MYOM2: variants seen among roughly 807,000 people sequenced by gnomAD.
MYOM2 encodes the protein myomesin 2.
MYOM2 carries 254 observed loss-of-function variants against 187.6 expected under a neutral mutation model. That is an observed-to-expected ratio of 1.35 (90% CI 1.22 to 1.50). MYOM2 has a LOEUF of 1.50. Ranked by LOEUF, MYOM2 falls within the 40% of genes most tolerant of loss-of-function variation. The probability of loss-of-function intolerance (pLI) is 0.00; values close to 1 mark genes in which losing one functional copy is unlikely to be tolerated. For missense variants in MYOM2, 2,796 were observed against 1,924.0 expected, an observed-to-expected ratio of 1.45 and a Z score of -8.48; for synonymous variants, 981 against 753.8, an observed-to-expected ratio of 1.30 and a Z score of -4.94.
At position 2,079,554 on chromosome 8, in the gene MYOM2, C is replaced by T; in HGVS notation, c.1463-6C>T. 6.2e-7 allele frequency: 1 copy of T among 1,614,074 alleles called. No homozygotes were observed. ...TCAAATCGAGTGTCAACCTTTCTCT[C>T]CGCAGCCGTTCATTTGGAGGGAGAG... On this transcript the variant is annotated splice_polypyrimidine_tract_variant and splice_region_variant and intron_variant, in intron 12 of 36. Transcript: ENST00000262113.
rs17684416 is a variant in MYOM2, at chr8:2,106,276, A to G, written c.2769A>G (p.Gln923=). ...TKEISAGVDE[Q]GNIYLGFDCQ... ...AAATCAGTGCTGGTGTCGATGAACA[A>G]GGCAACATCTATCTGGGCTTCGACT... Residue 923 remains glutamine, a synonymous_variant, in exon 22 of 37, where the codon CAA becomes CAG. Coordinates refer to ENST00000262113, the MANE Select transcript of MYOM2 (RefSeq NM_003970.4). 271,047 of 1,613,978 alleles carry G rather than the reference A, an allele frequency of 0.17. 23,657 individuals are homozygous for G. The highest frequency in any genetic ancestry group is 0.26 in the East Asian group (11,759 of 44,864).
At chr8:2,129,821 A>G (rs926998272) in intron 32 of MYOM2, among the ~76,000 whole-genome samples, 1 of 152,126 alleles carries the variant, frequency 6.6e-6, no homozygotes, top group African/African-American at 2.4e-5. Context: ...TTCCCAGGCA[A>G]AGCACAAGCC....
chr8:2,123,184 T>G, intron 28 of MYOM2, 68 bp from the exon 29 acceptor site: 1 of 1,077,330 alleles, frequency 9.3e-7, no homozygotes, highest in Non-Finnish European at 1.4e-6. Context: ...TTTAAGATTC[T>G]AATAGACTTT....
At chr8:2,051,883 A>C (rs1016401161) in intron 2 of MYOM2, among the ~76,000 whole-genome samples, 1 of 152,166 alleles carries the variant, frequency 6.6e-6, no homozygotes, top group African/African-American at 2.4e-5. Context: ...ATGCATGTGC[A>C]TGTGCTTGTG....
At chr8:2,118,053 G>A (rs1797307160) in intron 28 of MYOM2, 101 bp downstream of exon 28, 2 of 1,030,578 alleles carry the variant, frequency 1.9e-6, no homozygotes, top group Admixed American at 2.2e-5. Context: ...TGATGCTGGT[G>A]AGGAAACGTG....
intron 25 of MYOM2, 85 bp downstream of exon 25, chr8:2,109,616 T>A: frequency 7.1e-7 from 1 of 1,402,146 alleles, no homozygotes; most frequent in Non-Finnish European, 9.7e-7. Context: ...CAACATTCTC[T>A]GTCTGTTTCC....
chr8:2,068,273 C>G (rs1819086585), intron 6 of MYOM2, among the ~76,000 whole-genome samples: 1 of 150,426 alleles, frequency 6.6e-6, no homozygotes, highest in Admixed American at 6.6e-5. Context: ...CCTGTGTGCA[C>G]CAGGCAGAGA....
intron 31 of MYOM2, among the ~76,000 whole-genome samples, chr8:2,125,917 A>G (rs1797619921): frequency 6.6e-6 from 1 of 151,984 alleles, no homozygotes; most frequent in African/African-American, 2.4e-5. Flanking sequence ...TGCCTGGACA[A>G]GGATTATTTT....
chr8:2,083,125 C>T (rs1045892360), intron 13 of MYOM2, among the ~76,000 whole-genome samples: 3 of 152,124 alleles, frequency 2.0e-5, no homozygotes, highest in Non-Finnish European at 4.4e-5. Flanking sequence ...TTAAAACAAT[C>T]ATATATATTA....
At position 2,072,432 on chromosome 8, in the gene MYOM2, C is replaced by T. The variant is rs1316996365; in HGVS notation, c.881C>T (p.Thr294Met). ...GTCACCTTCAGGAGGGAAGGCGAGA[C>T]GGTCACTCTCAAGTGCACCATGCTG... ...FGVTFRREGE[T>M]VTLKCTMLVT... The change falls in exon 9 of 37, where the codon ACG becomes ATG. Residue 294 changes from threonine (T) to methionine (M), a missense_variant. Thr to Met is a moderately conservative substitution (Grantham distance 81, BLOSUM62 -1). Transcript: ENST00000262113. 26 of 1,614,058 alleles carry T rather than the reference C, an allele frequency of 1.6e-5. No individual in the cohort carries two copies. The highest frequency in any genetic ancestry group is 4.5e-5 in the East Asian group (2 of 44,880).
chr8:2,106,150 G>C, intron 21 of MYOM2, 92 bp from the exon 22 acceptor site: 1 of 1,295,476 alleles, frequency 7.7e-7, no homozygotes, highest in South Asian at 1.4e-5. Context: ...TTTGGGTGTG[G>C]ACGCGGAGCC....
chr8:2,074,590 G>C (rs917398575), intron 10 of MYOM2, among the ~76,000 whole-genome samples: 2 of 152,156 alleles, frequency 1.3e-5, no homozygotes, highest in African/African-American at 4.8e-5. Flanking sequence ...CGGTAGCTGG[G>C]ACTACAGGCA....
chr8:2,129,338 C>G (rs763790578), intron 32 of MYOM2, 106 bp downstream of exon 32: 6 of 654,994 alleles, frequency 9.2e-6, no homozygotes, highest in Non-Finnish European at 1.6e-5. Context: ...CTGCCATTTC[C>G]CCTCAAAATT....
intron 27 of MYOM2, among the ~76,000 whole-genome samples, chr8:2,117,166 T>C (rs1170865379): frequency 1.3e-5 from 2 of 152,244 alleles, no homozygotes; most frequent in East Asian, 3.8e-4. Flanking sequence ...TATTTTTCAT[T>C]GTTTTTATTT....
intron 27 of MYOM2, among the ~76,000 whole-genome samples, chr8:2,116,845 C>A (rs1797262479): frequency 6.6e-6 from 1 of 152,156 alleles, no homozygotes; most frequent in Non-Finnish European, 1.5e-5. Flanking sequence ...GCAAGCTCCG[C>A]CTCCCGGGTT....
chr8:2,062,195 C>T (rs1286130621), intron 6 of MYOM2, among the ~76,000 whole-genome samples: 1 of 152,164 alleles, frequency 6.6e-6, no homozygotes, highest in Non-Finnish European at 1.5e-5. Context: ...CCCTGCAGAT[C>T]ACGGGGACCC....
intron 6 of MYOM2, among the ~76,000 whole-genome samples, chr8:2,062,899 C>T (rs1818897085): frequency 6.6e-6 from 1 of 152,114 alleles, no homozygotes; most frequent in Non-Finnish European, 1.5e-5. Flanking sequence ...TCGGTGTTGG[C>T]AACATTTAAA....
At chr8:2,113,429 G>A (rs558110937) in intron 25 of MYOM2, among the ~76,000 whole-genome samples, 1 of 152,320 alleles carries the variant, frequency 6.6e-6, no homozygotes, top group African/African-American at 2.4e-5. Flanking sequence ...CTGGGAGCAG[G>A]TGAAGGCCTT....
intron 32 of MYOM2, among the ~76,000 whole-genome samples, chr8:2,133,445 C>A (rs1797945697): frequency 6.6e-6 from 1 of 152,176 alleles, no homozygotes; most frequent in Non-Finnish European, 1.5e-5. Context: ...GGCGCCGGCT[C>A]TGTTCTTGTG....
Sources: gnomAD v4.1 joint callset for allele counts (sites outside exome capture counted in the v4.1 genomes callset) on GRCh38, gnomAD v4.1.1 for gene constraint, MANE v1.5 for transcripts, NCBI Gene and HGNC (gene_info 2026-07-23, HGNC 2026-07-21) for gene names.